Variants in CBR4 observed in about 807,000 individuals in gnomAD.
The protein encoded by CBR4 is 3-oxoacyl-[acyl-carrier-protein] reductase.
Under a neutral mutation model 21.0 loss-of-function variants are expected in CBR4, and 22 were observed. That is an observed-to-expected ratio of 1.05 (90% CI 0.75 to 1.50). The LOEUF (loss-of-function observed/expected upper bound fraction) is 1.50, where lower values mean the gene tolerates loss of function less well. Among genes scored for constraint, CBR4 ranks in the 40% most tolerant of loss-of-function variants. The pLI, the probability that CBR4 is intolerant of heterozygous loss-of-function variation, is 0.00. For synonymous variants in CBR4, 100 were observed against 104.4 expected, an observed-to-expected ratio of 0.96 and a Z score of 0.26; for missense variants, 302 against 286.3, an observed-to-expected ratio of 1.05 and a Z score of -0.40.
chr4:169,001,823 T>C, intron 4 of CBR4: 1 of 240,486 alleles, frequency 4.2e-6, no homozygotes, highest in South Asian at 1.6e-4. Flanking sequence ...GAGAGCCAAA[T>C]AAGCCTCTTT....
chr4:168,897,498 G>C (rs1755463396), intron 2 of CBR4, among the ~76,000 whole-genome samples: 1 of 152,144 alleles, frequency 6.6e-6, no homozygotes, highest in South Asian at 2.1e-4. Context: ...CCAGGCTTGA[G>C]TGCAGTGGCA....
At chr4:168,925,393 A>C (rs1762382109) in intron 2 of CBR4, 1 of 793,248 alleles carries the variant, frequency 1.3e-6, no homozygotes, top group Non-Finnish European at 2.3e-6. Flanking sequence ...CAGTAGGCAA[A>C]GGCATAACCA....
At chr4:168,975,711 G>T (rs1380148731) in intron 2 of CBR4, among the ~76,000 whole-genome samples, 6 of 152,182 alleles carry the variant, frequency 3.9e-5, no homozygotes, top group African/African-American at 1.4e-4. Context: ...CATCAGGTGG[G>T]GGCAGGGTTA....
rs111548096 is a variant in CBR4 at position 168,897,775 on chromosome 4, G to A, written n.170-3010C>T. Among the ~76,000 whole-genome samples, 141 of 151,812 alleles carry A rather than the reference G, an allele frequency of 9.3e-4. 1 individual carries two copies. Among genetic ancestry groups the A allele is most frequent in the African/African-American group, 3.3e-3 (136 of 41,430 alleles). ...GCCTTTAATGCACTTTGTAGGCAAG[G>A]AAATTGTAGGATCCACCGTAATCAC... On this transcript the variant is annotated intron_variant and non_coding_transcript_variant, in intron 2 of 3. Coordinates refer to the CBR4 transcript ENST00000509108.
intron 2 of CBR4, among the ~76,000 whole-genome samples, chr4:168,966,959 G>A (rs767939596): frequency 6.6e-5 from 10 of 151,000 alleles, no homozygotes; most frequent in Non-Finnish European, 1.3e-4. Flanking sequence ...AGCTTGCAGC[G>A]AGTCCAGATT....
chr4:168,926,735 C>T (rs1042171513), intron 2 of CBR4: 4 of 277,338 alleles, frequency 1.4e-5, no homozygotes, highest in Non-Finnish European at 2.1e-5. Flanking sequence ...GATATAGGTG[C>T]TGTGTAGCCT....
intron 2 of CBR4, among the ~76,000 whole-genome samples, chr4:168,954,156 G>C (rs945430199): frequency 9.2e-5 from 14 of 152,112 alleles, no homozygotes; most frequent in Non-Finnish European, 1.6e-4. Flanking sequence ...CAAAGAAAAT[G>C]TCCTGAGCAT....
At chr4:168,916,176 C>G (rs897773656) in intron 2 of CBR4, 11 of 809,938 alleles carry the variant, frequency 1.4e-5, no homozygotes, top group Non-Finnish European at 2.1e-5. Context: ...ACTTTAGAGT[C>G]CAAAGCCGGG....
chr4:168,915,867 A>G (rs1164244089), intron 2 of CBR4: 1 of 1,590,342 alleles, frequency 6.3e-7, no homozygotes, highest in Non-Finnish European at 8.6e-7. Context: ...CTATATTTCT[A>G]TCTATCTGTC....
In CBR4 at chr4:168,938,604, G is replaced by A. The variant is rs903890098; in HGVS notation, n.170-43839C>T. On this transcript the variant is annotated intron_variant and non_coding_transcript_variant, in intron 2 of 3. Transcript: ENST00000509108. ...GAAAAAAGAGAAGAATCAAATAAAC[G>A]CAATAAAAAATGACACAGGGGATAT... 3.9e-5 allele frequency among the ~76,000 whole-genome samples: 6 copies of A among 151,950 alleles called. No individual in the cohort carries two copies. In the South Asian group the frequency reaches 6.2e-4, roughly 16 times the overall value.
chr4:168,920,511 G>C (rs1453468653), intron 2 of CBR4, among the ~76,000 whole-genome samples: 3 of 152,072 alleles, frequency 2.0e-5, no homozygotes, highest in Non-Finnish European at 2.9e-5. Flanking sequence ...TTGGGGGTAG[G>C]GGGTAAAAAG....
In CBR4 at chr4:168,939,963, A is replaced by C. The variant is rs1337483498; in HGVS notation, n.170-45198T>G. On this transcript the variant is annotated intron_variant and non_coding_transcript_variant, in intron 2 of 3. Transcript: ENST00000509108. Reference sequence around the variant, plus strand: ...CTTTAAATTTCATATGGAACCAAAAAAAGAGCCCGCATAGACAAGACAATC... The same window carrying C: ...CTTTAAATTTCATATGGAACCAAAACAAGAGCCCGCATAGACAAGACAATC... Among the ~76,000 whole-genome samples the C allele has an allele frequency of 2.6e-5, 4 of 152,176 alleles. No individual in the cohort carries two copies. The East Asian group carries it at 5.8e-4, about 22-fold the overall frequency.
intron 2 of CBR4, among the ~76,000 whole-genome samples, chr4:168,960,791 A>G (rs946129021): frequency 6.6e-6 from 1 of 152,234 alleles, no homozygotes; most frequent in Admixed American, 6.5e-5. Context: ...AAAAGTCTTT[A>G]TGTTAGAAGA....
intron 3 of CBR4, among the ~76,000 whole-genome samples, chr4:169,002,865 T>A (rs903019163): frequency 6.6e-6 from 1 of 152,274 alleles, no homozygotes; most frequent in Non-Finnish European, 1.5e-5. Context: ...CTTTGTCACA[T>A]TTTGGTAATT....
At chr4:168,954,761 A>C (rs1378556370) in intron 2 of CBR4, among the ~76,000 whole-genome samples, 12 of 152,214 alleles carry the variant, frequency 7.9e-5, no homozygotes, top group Admixed American at 5.2e-4. Flanking sequence ...GGAAGAGAGG[A>C]TCCAACGTAT....
At chr4:168,975,823 G>T (rs1337876180) in intron 2 of CBR4, among the ~76,000 whole-genome samples, 3 of 152,124 alleles carry the variant, frequency 2.0e-5, no homozygotes, top group Admixed American at 6.5e-5. Context: ...TTCCCAGGGG[G>T]ATTATGGCTG....
chr4:169,010,136 C>T lies in CBR4; in HGVS notation c.-47G>A. The T allele has an allele frequency of 1.3e-6, 2 of 1,503,966 alleles. No homozygotes were observed. The highest frequency in any genetic ancestry group is 2.5e-5 in the South Asian group (2 of 80,510). 93.2% of individuals were successfully genotyped at this position (1,503,966 alleles called of 1,614,324 possible). A position where few individuals can be genotyped will look rare whatever the true frequency, so the allele number is the denominator to read the frequency against. ...GAAAGAGGGTAGGGAGTGGGAGCCCCTCTCCAGGTTCCCTCAGGCTTTTAA... is the reference window on the plus strand; with the variant it reads ...GAAAGAGGGTAGGGAGTGGGAGCCCTTCTCCAGGTTCCCTCAGGCTTTTAA... On this transcript the variant is annotated 5_prime_UTR_variant, in exon 1 of 5. Coordinates refer to ENST00000306193, the MANE Select transcript of CBR4 (RefSeq NM_032783.5).
chr4:168,912,611 C>A (rs1220076252), intron 2 of CBR4, among the ~76,000 whole-genome samples: 1 of 152,108 alleles, frequency 6.6e-6, no homozygotes, highest in African/African-American at 2.4e-5. Flanking sequence ...TTAGTTGACA[C>A]AATGATTATA....
At chr4:168,993,493 G>T (rs1180732604) in intron 4 of CBR4, among the ~76,000 whole-genome samples, 2 of 152,180 alleles carry the variant, frequency 1.3e-5, no homozygotes, top group African/African-American at 4.8e-5. Context: ...TTACAGGCGT[G>T]AGCCACTGTG....
Sources: allele counts gnomAD v4.1 joint callset (sites outside exome capture counted in the v4.1 genomes callset), GRCh38; gene constraint gnomAD v4.1.1; transcripts MANE v1.5; gene names NCBI Gene and HGNC (gene_info 2026-07-23, HGNC 2026-07-21).